Variants in PARVB observed in about 807,000 individuals in gnomAD.
PARVB encodes the protein parvin beta.
Under a neutral mutation model 47.0 loss-of-function variants are expected in PARVB, and 46 were observed. The ratio of observed to expected loss-of-function variants is 0.98; its 90% CI spans 0.77 to 1.25. PARVB has a LOEUF of 1.25. Among genes scored for constraint, PARVB ranks in the 50% most tolerant of loss-of-function variants. The pLI is 0.00. For synonymous variants in PARVB, 196 were observed against 196.3 expected, an observed-to-expected ratio of 1.00 and a Z score of 0.01; for missense variants, 473 against 471.6, an observed-to-expected ratio of 1.00 and a Z score of -0.03.
chr22:44,160,259 G>A (rs562488775), intron 11 of PARVB, among the ~76,000 whole-genome samples: 2 of 152,186 alleles, frequency 1.3e-5, no homozygotes, highest in Non-Finnish European at 2.9e-5. Context: ...ATCTTTCCTA[G>A]AAGAAGACAC....
chr22:44,082,157 G>T (rs62226426), intron 1 of PARVB, among the ~76,000 whole-genome samples: 4,365 of 152,280 alleles, frequency 0.029, 186 homozygotes, highest in African/African-American at 0.089. Context: ...ATCCCACTGT[G>T]CACCGCAAGG....
intron 2 of PARVB, 30 bp from the exon 3 acceptor site, chr22:44,100,023 C>T (rs773472146): frequency 6.2e-7 from 1 of 1,602,358 alleles, no homozygotes; most frequent in East Asian, 2.2e-5. Flanking sequence ...CCCACAATCG[C>T]TGACCGTGAC....
chr22:44,124,243 C>G (rs2053137562), intron 4 of PARVB, among the ~76,000 whole-genome samples: 1 of 152,234 alleles, frequency 6.6e-6, no homozygotes, highest in African/African-American at 2.4e-5. Flanking sequence ...AACAATCTTT[C>G]AGTTCTCATA....
At chr22:44,054,488 TTA>T (rs1383841009) in intron 1 of PARVB, among the ~76,000 whole-genome samples, 1 of 152,132 alleles carries the variant, frequency 6.6e-6, no homozygotes, top group East Asian at 1.9e-4. Flanking sequence ...AGTGCTCAGA[TTA>T]CAGCATGAGC....
intron 1 of PARVB, among the ~76,000 whole-genome samples, chr22:44,075,044 G>A (rs1448910749): frequency 6.6e-6 from 1 of 152,214 alleles, no homozygotes; most frequent in African/African-American, 2.4e-5. Context: ...TACACACGAG[G>A]TGTCAGTTGT....
In PARVB at chr22:44,091,239, C is replaced by T. The variant is rs565207308; in HGVS notation, c.113-2689C>T. Among the ~76,000 whole-genome samples the T allele has an allele frequency of 4.2e-5, 6 of 144,084 alleles. No individual in the cohort carries two copies. The South Asian group carries it at 8.9e-4, about 21-fold the overall frequency. The allele number at this position is 144,084 out of a possible 152,430, so 94.5% of individuals were successfully genotyped here. On this transcript the variant is annotated intron_variant, in intron 1 of 12. Coordinates refer to ENST00000338758, the MANE Select transcript of PARVB (RefSeq NM_013327.5). ...AGTGTGTGCGGCAGCCAGGCTGGCT[C>T]GCGGCTGGAATGTGGGTTACCTGGA... is the stretch of plus-strand genomic sequence containing the variant.
chr22:44,035,898 C>T (rs2050914638), intron 1 of PARVB, among the ~76,000 whole-genome samples: 1 of 151,684 alleles, frequency 6.6e-6, no homozygotes, highest in Non-Finnish European at 1.5e-5. Context: ...GCAATAGCAA[C>T]AGGAGGCGGC....
chr22:44,039,535 T>C (rs2050979604), intron 1 of PARVB, among the ~76,000 whole-genome samples: 1 of 150,064 alleles, frequency 6.7e-6, no homozygotes, highest in Non-Finnish European at 1.5e-5. Flanking sequence ...AGAGTGATAC[T>C]CTGTCAAAAA....
In PARVB at chr22:44,119,526, ACCAAATACAT is replaced by A. The variant is rs1164452371; in HGVS notation, c.376+387_376+396del. Reference sequence around the variant, plus strand: ...GCAATATTCTGTGAGTGAATGTGTCACCAAATACATGATAGCTCATGTTCCCTCACCAGGG... The same window carrying A: ...GCAATATTCTGTGAGTGAATGTGTCAGATAGCTCATGTTCCCTCACCAGGG... On this transcript the variant is annotated intron_variant, in intron 4 of 12. Transcript: ENST00000338758. 2.0e-5 allele frequency among the ~76,000 whole-genome samples: 3 copies of A among 152,194 alleles called. No individual in the cohort carries two copies. In the East Asian group the frequency reaches 5.8e-4, roughly 29 times the overall value.
Position 44,169,657 on chromosome 22 carries a change from C to T in PARVB, c.*979C>T, listed in dbSNP as rs968524056. ...GCTTCTCCCCGTGTCTTCACATGGT[C>T]TCCCCTCTGTGTGTCTGTGTCCTCA... On this transcript the variant is annotated 3_prime_UTR_variant, in exon 13 of 13. Coordinates refer to ENST00000338758, the MANE Select transcript of PARVB (RefSeq NM_013327.5). 7 of 150,442 alleles carry T rather than the reference C, an allele frequency of 4.7e-5. 2 individuals carry two copies. The highest frequency in any genetic ancestry group is 1.8e-4 in the African/African-American group (7 of 39,786). The allele number at this position is 150,442 out of a possible 1,614,324, so 9.3% of individuals were successfully genotyped here. A position where few individuals can be genotyped will look rare whatever the true frequency, so the allele number is the denominator to read the frequency against.
In PARVB at chr22:44,163,919, C is replaced by A. The variant is rs200131614; in HGVS notation, c.1007C>A (p.Ala336Asp). 4.3e-6 allele frequency: 7 copies of A among 1,609,994 alleles called. No homozygotes were observed. Among genetic ancestry groups the A allele is most frequent in the Non-Finnish European group, 5.9e-6 (7 of 1,178,056 alleles). The part of the protein sequence containing the change: ...MLDGGLKKPK[A>D]RPEDVVNLDL... ...GACGGAGGCCTCAAGAAACCCAAGG[C>A]TCGTCCTGAAGGTAATGCCCCTGGC... Residue 336 changes from alanine to aspartate, a missense_variant, in exon 12 of 13, where the codon GCT becomes GAT. Transcript: ENST00000338758.
chr22:44,147,927 G>T lies in PARVB; in HGVS notation c.774+5G>T, dbSNP rs769069631. The stretch of plus-strand genomic sequence containing the variant: ...AAGCTCAGCGTGGTGAAGAAGGTGA[G>T]CTATTGGTGGGATGTTGGATGTGCT... On this transcript the variant is annotated splice_donor_5th_base_variant and intron_variant, in intron 9 of 12. Transcript: ENST00000338758. 21 of 1,613,360 alleles carry T rather than the reference G, an allele frequency of 1.3e-5. No homozygotes were observed. Among genetic ancestry groups the T allele is most frequent in the Non-Finnish European group, 1.8e-5 (21 of 1,179,528 alleles).
chr22:44,165,910 T>C (rs979624753), intron 12 of PARVB, among the ~76,000 whole-genome samples: 3 of 152,218 alleles, frequency 2.0e-5, no homozygotes, highest in Non-Finnish European at 2.9e-5. Flanking sequence ...TAGTGTCTGG[T>C]GGGTCGCACA....
chr22:44,157,772 G>A (rs899069492), intron 10 of PARVB, among the ~76,000 whole-genome samples: 1 of 152,066 alleles, frequency 6.6e-6, no homozygotes, highest in Non-Finnish European at 1.5e-5. Context: ...CCAGCTACTT[G>A]GGAGGCTGAG....
At chr22:44,157,948 C>G (rs778137643) in intron 10 of PARVB, 34 bp from the exon 11 acceptor site, 16 of 1,518,864 alleles carry the variant, frequency 1.1e-5, no homozygotes, top group Non-Finnish European at 1.5e-5. Flanking sequence ...AACTCCTTAC[C>G]CTGCCCGGAA....
chr22:44,011,856 C>T (rs2050526793), intron 2 of PARVB, among the ~76,000 whole-genome samples: 2 of 152,144 alleles, frequency 1.3e-5, no homozygotes, highest in Admixed American at 1.3e-4. Flanking sequence ...CTCCTTCATC[C>T]AAAACACCAC....
intron 12 of PARVB, among the ~76,000 whole-genome samples, chr22:44,164,934 T>C (rs1301753626): frequency 1.3e-5 from 2 of 152,194 alleles, no homozygotes; most frequent in Non-Finnish European, 2.9e-5. Context: ...TGCCTGTTCA[T>C]CCTCCTCTTG....
At chr22:44,096,998 G>T (rs114575353) in intron 2 of PARVB, among the ~76,000 whole-genome samples, 15 of 152,048 alleles carry the variant, frequency 9.9e-5, no homozygotes, top group Non-Finnish European at 1.9e-4. Flanking sequence ...ATGGAGCAGC[G>T]CTTGCTGTAC....
intron 1 of PARVB, chr22:44,039,947 G>A (rs1320163084): frequency 1.6e-5 from 7 of 441,342 alleles, no homozygotes; most frequent in Non-Finnish European, 3.2e-5. Flanking sequence ...CCCAAGGAGC[G>A]AGGACCACAG....
Sources: allele counts gnomAD v4.1 joint callset (sites outside exome capture counted in the v4.1 genomes callset), GRCh38; gene constraint gnomAD v4.1.1; transcripts MANE v1.5; gene names NCBI Gene and HGNC (gene_info 2026-07-23, HGNC 2026-07-21).